The following PLCB1 variants were observed in gnomAD, a reference collection of about 807,000 sequenced individuals.
PLCB1 encodes the protein phospholipase C beta 1, also known as 1-phosphatidylinositol 4,5-bisphosphate phosphodiesterase beta-1.
PLCB1 carries 46 observed loss-of-function variants against 161.8 expected under a neutral mutation model. That is an observed-to-expected ratio of 0.28 (90% CI 0.22 to 0.36). The LOEUF is 0.36. Among genes scored for constraint, PLCB1 ranks in the 10% least tolerant of loss-of-function variants. The pLI is 1.00. For synonymous variants in PLCB1, 517 were observed against 503.7 expected, an observed-to-expected ratio of 1.03 and a Z score of -0.35; for missense variants, 1,016 against 1,472.5, an observed-to-expected ratio of 0.69 and a Z score of 5.07.
intron 2 of PLCB1, among the ~76,000 whole-genome samples, chr20:8,352,580 C>T (rs925526656): frequency 3.3e-5 from 5 of 151,882 alleles, no homozygotes; most frequent in Non-Finnish European, 7.4e-5. Context: ...GGATGGAAAG[C>T]AGATTGTGAC....
chr20:8,216,796 C>A (rs1979154760), intron 2 of PLCB1, among the ~76,000 whole-genome samples: 1 of 152,112 alleles, frequency 6.6e-6, no homozygotes, highest in South Asian at 2.1e-4. Context: ...AAATATTTGA[C>A]ATCTGCGGTG....
chr20:8,387,138 CT>C (rs1175692085), intron 3 of PLCB1, among the ~76,000 whole-genome samples: 2 of 152,198 alleles, frequency 1.3e-5, no homozygotes, highest in Non-Finnish European at 2.9e-5. Flanking sequence ...CCTTCAAGGA[CT>C]TTTCCTTTGC....
chr20:8,565,679 A>G (rs901537407), intron 3 of PLCB1, among the ~76,000 whole-genome samples: 4 of 152,112 alleles, frequency 2.6e-5, no homozygotes, highest in African/African-American at 9.7e-5. Context: ...TGGAGTAGCC[A>G]TGTGACTAAT....
chr20:8,250,576 T>C (rs999890634), intron 2 of PLCB1, among the ~76,000 whole-genome samples: 3 of 151,904 alleles, frequency 2.0e-5, no homozygotes, highest in Non-Finnish European at 4.4e-5. Context: ...CACAGTCTAA[T>C]AAAGTAGGAA....
chr20:8,238,858 T>G (rs1980457932), intron 2 of PLCB1, among the ~76,000 whole-genome samples: 1 of 136,560 alleles, frequency 7.3e-6, no homozygotes, highest in African/African-American at 2.9e-5. Flanking sequence ...ATTGAGTAAA[T>G]GGGTGGCTGG....
At chr20:8,507,828 A>T (rs1433277268) in intron 3 of PLCB1, among the ~76,000 whole-genome samples, 1 of 152,216 alleles carries the variant, frequency 6.6e-6, no homozygotes, top group Non-Finnish European at 1.5e-5. Flanking sequence ...ATAATACAAA[A>T]AATGGAATAA....
At chr20:8,159,428 G>A (rs1306331664) in intron 2 of PLCB1, among the ~76,000 whole-genome samples, 2 of 152,028 alleles carry the variant, frequency 1.3e-5, no homozygotes, top group Non-Finnish European at 2.9e-5. Flanking sequence ...TAGGCCTCTG[G>A]GCCTATGATG....
intron 3 of PLCB1, among the ~76,000 whole-genome samples, chr20:8,484,884 C>T (rs1345098331): frequency 6.6e-6 from 1 of 152,120 alleles, no homozygotes; most frequent in African/African-American, 2.4e-5. Context: ...ACTGCTATAT[C>T]CCCCAGTTGT....
At chr20:8,468,826 C>A (rs1162045085) in intron 3 of PLCB1, among the ~76,000 whole-genome samples, 1 of 152,112 alleles carries the variant, frequency 6.6e-6, no homozygotes, top group Non-Finnish European at 1.5e-5. Flanking sequence ...TTAATTTTAT[C>A]CTCATCTTGC....
intron 3 of PLCB1, among the ~76,000 whole-genome samples, chr20:8,582,375 T>C (rs1479597597): frequency 1.3e-5 from 2 of 152,076 alleles, no homozygotes; most frequent in Non-Finnish European, 1.5e-5. Flanking sequence ...CATGATTGAC[T>C]CATAGAGTGG....
rs1019189125 is a variant in PLCB1, at chr20:8,765,074, G to A, written c.2711-65G>A. 6.0e-5 allele frequency: 76 copies of A among 1,259,828 alleles called. 1 individual carries two copies. Among genetic ancestry groups the A allele is most frequent in the African/African-American group, 9.0e-5 (6 of 66,854 alleles). The allele number at this position is 1,259,828 out of a possible 1,614,324, so 78.0% of individuals were successfully genotyped here. On this transcript the variant is annotated intron_variant, in intron 25 of 31. Coordinates refer to ENST00000338037, the MANE Select transcript of PLCB1 (RefSeq NM_015192.4). ...ACCATTTCTTCCTAAGAAGGTAGCC[G>A]CTCTTCTTTCCATCTGGATGTTCAG...
intron 3 of PLCB1, among the ~76,000 whole-genome samples, chr20:8,497,186 A>G (rs998430081): frequency 6.6e-6 from 1 of 152,188 alleles, no homozygotes; most frequent in African/African-American, 2.4e-5. Context: ...CATGCTTTTC[A>G]TGTAGAAACA....
intron 3 of PLCB1, among the ~76,000 whole-genome samples, chr20:8,461,798 A>G (rs913796953): frequency 6.6e-5 from 10 of 152,136 alleles, no homozygotes; most frequent in Non-Finnish European, 1.2e-4. Context: ...TGTGGAAGCA[A>G]ACAATATTTT....
chr20:8,312,972 C>G (rs958845118), intron 2 of PLCB1, among the ~76,000 whole-genome samples: 1 of 152,102 alleles, frequency 6.6e-6, no homozygotes, highest in Non-Finnish European at 1.5e-5. Context: ...TGTGCATTTA[C>G]TTATGTTGAA....
At chr20:8,518,294 A>G (rs1984217763) in intron 3 of PLCB1, among the ~76,000 whole-genome samples, 1 of 152,180 alleles carries the variant, frequency 6.6e-6, no homozygotes, top group African/African-American at 2.4e-5. Flanking sequence ...TGACTAATGA[A>G]TCCCAACATG....
intron 15 of PLCB1, among the ~76,000 whole-genome samples, chr20:8,724,062 G>T (rs749298937): frequency 1.3e-5 from 2 of 151,748 alleles, no homozygotes. Flanking sequence ...GCCTACCTGC[G>T]GGTGGAGGTG....
chr20:8,361,866 C>T (rs902580720), intron 2 of PLCB1, among the ~76,000 whole-genome samples: 1 of 152,160 alleles, frequency 6.6e-6, no homozygotes, highest in Non-Finnish European at 1.5e-5. Context: ...TATTTCTTAT[C>T]AAAAGACCTT....
At chr20:8,842,548 C>A (rs1461013671) in intron 31 of PLCB1, among the ~76,000 whole-genome samples, 1 of 152,118 alleles carries the variant, frequency 6.6e-6, no homozygotes, top group African/African-American at 2.4e-5. Context: ...GACAAGAACC[C>A]CTCAGACACC....
At position 8,343,284 on chromosome 20, in the gene PLCB1, G is replaced by A. The variant is rs531809634; in HGVS notation, c.178-28098G>A. 5.5e-4 allele frequency among the ~76,000 whole-genome samples: 84 copies of A among 152,322 alleles called. 1 individual carries two copies. The highest frequency in any genetic ancestry group is 1.9e-3 in the African/African-American group (78 of 41,590). On this transcript the variant is annotated intron_variant, in intron 2 of 31. Transcript: ENST00000338037. ...TCACACTTTGTATAGCAAGATCCTAGCCCAGAACTTTCCAAGGCAGAGGAG... is the reference window on the plus strand; with the variant it reads ...TCACACTTTGTATAGCAAGATCCTAACCCAGAACTTTCCAAGGCAGAGGAG...
Sources: allele counts gnomAD v4.1 joint callset (sites outside exome capture counted in the v4.1 genomes callset), GRCh38; gene constraint gnomAD v4.1.1; transcripts MANE v1.5; gene names NCBI Gene and HGNC (gene_info 2026-07-23, HGNC 2026-07-21).